Variants in UBE3A observed in about 807,000 individuals in gnomAD.
The protein encoded by UBE3A is ubiquitin protein ligase E3A.
UBE3A carries 6 observed loss-of-function variants against 83.4 expected under a neutral mutation model. That is an observed-to-expected ratio of 0.07 (90% CI 0.04 to 0.14). UBE3A has a LOEUF of 0.14. UBE3A is among the 10% of genes least tolerant of loss of function. UBE3A has a pLI of 1.00. For missense variants in UBE3A, 456 were observed against 1,036.1 expected, an observed-to-expected ratio of 0.44 and a Z score of 7.69; for synonymous variants, 337 against 355.4, an observed-to-expected ratio of 0.95 and a Z score of 0.58.
Position 25,337,273 on chromosome 15 carries a change from C to T in UBE3A, c.*1864G>A, listed in dbSNP as rs2074016777. 1.3e-5 allele frequency: 2 copies of T among 152,040 alleles called. No homozygotes were observed. Among genetic ancestry groups the T allele is most frequent in the South Asian group, 2.1e-4 (1 of 4,824 alleles). 9.4% of individuals were successfully genotyped at this position (152,040 alleles called of 1,614,324 possible). The stretch of plus-strand genomic sequence containing the variant: ...TTCTTCACGAATTTATTATATAAAA[C>T]GCCCTCAGAGTATTTAATTTCTCCT... On this transcript the variant is annotated 3_prime_UTR_variant, in exon 13 of 13. Coordinates refer to ENST00000648336, the MANE Select transcript of UBE3A (RefSeq NM_130839.5).
chr15:25,339,915 G>A (rs1009792697), intron 12 of UBE3A, 170 bp downstream of exon 12: 6 of 877,878 alleles, frequency 6.8e-6, no homozygotes, highest in Non-Finnish European at 8.7e-6. Flanking sequence ...TTTCTTAAAA[G>A]TTTCCTCACA....
At position 25,337,595 on chromosome 15, in the gene UBE3A, TCCC is replaced by T. The variant is rs2074048619; in HGVS notation, c.*1539_*1541del. On this transcript the variant is annotated 3_prime_UTR_variant, in exon 13 of 13. Transcript: ENST00000648336. Reference sequence around the variant, plus strand: ...ATAATCCTGAAAGACATCCTTTTTCTCCCCCCAATGATTTGAAAGCTGCATTTT... The same window carrying T: ...ATAATCCTGAAAGACATCCTTTTTCTCCCAATGATTTGAAAGCTGCATTTT... The T allele has an allele frequency of 1.3e-5, 2 of 152,050 alleles. No homozygotes were observed. Among genetic ancestry groups the T allele is most frequent in the South Asian group, 4.1e-4 (2 of 4,822 alleles). 9.4% of individuals were successfully genotyped at this position (152,050 alleles called of 1,614,324 possible).
intron 3 of UBE3A, among the ~76,000 whole-genome samples, chr15:25,406,526 T>A (rs1408026982): frequency 6.6e-6 from 1 of 152,134 alleles, no homozygotes; most frequent in Non-Finnish European, 1.5e-5. Flanking sequence ...GTCAATATAA[T>A]ATTGATTTCT....
At chr15:25,427,795 GAAA>G (rs71127058) in intron 1 of UBE3A, among the ~76,000 whole-genome samples, 18 of 77,398 alleles carry the variant, frequency 2.3e-4, no homozygotes, top group African/African-American at 5.7e-4. Flanking sequence ...CTGTCTCCTG[GAAA>G]AAAAAAAAAA....
At chr15:25,398,063 G>T (rs1292432969) in intron 4 of UBE3A, among the ~76,000 whole-genome samples, 1 of 151,094 alleles carries the variant, frequency 6.6e-6, no homozygotes, top group Non-Finnish European at 1.5e-5. Flanking sequence ...TACGTATTTG[G>T]GAGGCTGAGG....
At chr15:25,398,190 A>AAAAC (rs2086040175) in intron 4 of UBE3A, among the ~76,000 whole-genome samples, 8 of 98,324 alleles carry the variant, frequency 8.1e-5, no homozygotes, top group Middle Eastern at 6.5e-3. Flanking sequence ...AAAAAAAAAA[A>AAAAC]ACACAAAAAA....
intron 1 of UBE3A, among the ~76,000 whole-genome samples, chr15:25,434,999 C>T (rs917466779): frequency 6.7e-6 from 1 of 149,778 alleles, no homozygotes; most frequent in Admixed American, 6.7e-5. Context: ...CACACACACA[C>T]ACACACACAC....
At chr15:25,382,652 C>A (rs2082398486) in intron 4 of UBE3A, among the ~76,000 whole-genome samples, 2 of 150,318 alleles carry the variant, frequency 1.3e-5, no homozygotes, top group Non-Finnish European at 3.0e-5. Flanking sequence ...GAAAAAAAAT[C>A]AACAAAATTA....
intron 6 of UBE3A, among the ~76,000 whole-genome samples, chr15:25,361,134 T>A (rs2078014311): frequency 1.3e-5 from 2 of 151,366 alleles, no homozygotes; most frequent in African/African-American, 2.4e-5. Context: ...CTCTTTTTTT[T>A]TTTTTTTTTG....
At chr15:25,356,646 AAT>A (rs2077259572) in intron 8 of UBE3A, 43 bp downstream of exon 8, 1 of 1,570,966 alleles carries the variant, frequency 6.4e-7, no homozygotes, top group Non-Finnish European at 8.7e-7. Context: ...TTTGCATTTA[AAT>A]AAAATCTAAG....
intron 4 of UBE3A, among the ~76,000 whole-genome samples, chr15:25,387,243 C>T (rs1403563393): frequency 3.9e-5 from 6 of 152,170 alleles, no homozygotes; most frequent in East Asian, 1.9e-4. Flanking sequence ...TTATCTAGGC[C>T]GGGCGCTGTG....
Position 25,409,156 on chromosome 15 carries a change from G to C in UBE3A, c.-49C>G, listed in dbSNP as rs2089398017. 3.2e-6 allele frequency: 5 copies of C among 1,580,476 alleles called. No individual in the cohort carries two copies. Among genetic ancestry groups the C allele is most frequent in the Non-Finnish European group, 4.3e-6 (5 of 1,158,972 alleles). ...GCTTTGAGTCACTGATTAAAAACAG[G>C]TTGTCACACCAGTCTAGCTGCTACC... On this transcript the variant is annotated 5_prime_UTR_variant, in exon 3 of 13. Coordinates refer to ENST00000648336, the MANE Select transcript of UBE3A (RefSeq NM_130839.5).
At chr15:25,421,488 C>T (rs1889804617) in intron 1 of UBE3A, among the ~76,000 whole-genome samples, 1 of 152,098 alleles carries the variant, frequency 6.6e-6, no homozygotes, top group Non-Finnish European at 1.5e-5. Flanking sequence ...CGTATGATTC[C>T]ACTTATATGA....
intron 1 of UBE3A, among the ~76,000 whole-genome samples, chr15:25,429,114 G>A (rs962860722): frequency 7.2e-5 from 11 of 152,084 alleles, no homozygotes; most frequent in South Asian, 2.1e-4. Flanking sequence ...GAAAGACAGC[G>A]TTATACATGT....
chr15:25,340,835 T>C (rs2074621663), intron 11 of UBE3A, among the ~76,000 whole-genome samples: 1 of 152,162 alleles, frequency 6.6e-6, no homozygotes, highest in Admixed American at 6.5e-5. Flanking sequence ...ACAAGTAATA[T>C]GTGCTGTGTA....
At chr15:25,369,359 A>C (rs937669518) in intron 6 of UBE3A, among the ~76,000 whole-genome samples, 56 of 150,064 alleles carry the variant, frequency 3.7e-4, no homozygotes, top group South Asian at 1.1e-3. Context: ...TTAAAAAAAA[A>C]AAACAAACCA....
chr15:25,341,982 C>T (rs1015081059), intron 11 of UBE3A, among the ~76,000 whole-genome samples: 4 of 152,034 alleles, frequency 2.6e-5, no homozygotes, highest in African/African-American at 9.7e-5. Context: ...TGGCTTTCTC[C>T]AATCTCTTGC....
intron 1 of UBE3A, among the ~76,000 whole-genome samples, chr15:25,422,812 CAAAA>C (rs71418043): frequency 8.7e-6 from 1 of 114,640 alleles, no homozygotes; most frequent in Non-Finnish European, 1.9e-5. Flanking sequence ...CGTTCTCTAC[CAAAA>C]AAAAAAAAAA....
intron 1 of UBE3A, among the ~76,000 whole-genome samples, chr15:25,430,051 T>TA (rs1567190959): frequency 1.0e-4 from 8 of 78,012 alleles, no homozygotes; most frequent in African/African-American, 3.0e-4. Flanking sequence ...ATATATATAT[T>TA]TATATGTATT....
Sources: gnomAD v4.1 joint callset for allele counts (sites outside exome capture counted in the v4.1 genomes callset) on GRCh38, gnomAD v4.1.1 for gene constraint, MANE v1.5 for transcripts, NCBI Gene and HGNC (gene_info 2026-07-23, HGNC 2026-07-21) for gene names.